The following LEMD3 variants were observed in gnomAD, a reference collection of about 807,000 sequenced individuals.
LEMD3 encodes LEM domain containing 3, also known as inner nuclear membrane protein Man1.
Under a neutral mutation model 95.2 loss-of-function variants are expected in LEMD3, and 33 were observed. The ratio of observed to expected loss-of-function variants is 0.35; its 90% CI spans 0.26 to 0.46. LEMD3 has a LOEUF of 0.46. LEMD3 is among the 20% of genes least tolerant of loss of function. The pLI is 1.00. For missense variants in LEMD3, 1,210 were observed against 1,192.8 expected, an observed-to-expected ratio of 1.01 and a Z score of -0.21; for synonymous variants, 525 against 474.6, an observed-to-expected ratio of 1.11 and a Z score of -1.38.
In LEMD3 at chr12:65,240,011, TATG is replaced by T; in HGVS notation, c.2005_2007del (p.Met669del). Reference sequence around the variant, plus strand: ...AGGAGGAAACAAGGCAGATGTATGATATGGTGGTAAAGATTATAGGTATGATAT... The same window carrying T: ...AGGAGGAAACAAGGCAGATGTATGATGTGGTAAAGATTATAGGTATGATAT... On this transcript the variant is annotated inframe_deletion, in exon 7 of 13. Transcript: ENST00000308330. 1 of 1,607,752 alleles carries T rather than the reference TATG, an allele frequency of 6.2e-7. No homozygotes were observed. The highest frequency in any genetic ancestry group is 8.5e-7 in the Non-Finnish European group (1 of 1,174,378).
intron 4 of LEMD3, among the ~76,000 whole-genome samples, chr12:65,231,006 ATTT>A (rs546303840): frequency 0.015 from 2,347 of 152,018 alleles, 28 homozygotes; most frequent in Middle Eastern, 0.041. Flanking sequence ...CCTTTAGAAG[ATTT>A]TTTTATCTTG....
chr12:65,181,398 C>G (rs541932959), intron 1 of LEMD3, among the ~76,000 whole-genome samples: 1 of 152,182 alleles, frequency 6.6e-6, no homozygotes, highest in South Asian at 2.1e-4. Flanking sequence ...TATATCATAC[C>G]TTTTAGAACT....
In LEMD3 at chr12:65,170,639, A is replaced by C; in HGVS notation, c.1043A>C (p.Gln348Pro). The change falls in exon 1 of 13, where the codon CAA (glutamine) becomes CCA (proline). Residue 348 changes from glutamine (Q) to proline (P), a missense_variant. Physicochemically the swap from Gln to Pro is moderately conservative, Grantham distance 76 (BLOSUM62 -1). Around this residue, in one of 2 missense-constraint regions of LEMD3, gnomAD observed 749 missense variants for 622.9 expected, o/e 1.20. Coordinates refer to ENST00000308330, the MANE Select transcript of LEMD3 (RefSeq NM_014319.5). Reference protein sequence around the residue: ...AAAEQGGGCDQVDSSPVPRYR... With the variant: ...AAAEQGGGCDPVDSSPVPRYR... ...GCGGAGCAGGGAGGAGGGTGTGATC[A>C]AGTGGACTCCAGCCCCGTTCCTAGA... is the stretch of plus-strand genomic sequence containing the variant. 4 of 1,614,150 alleles carry C rather than the reference A, an allele frequency of 2.5e-6. No homozygotes were observed. The highest frequency in any genetic ancestry group is 3.4e-6 in the Non-Finnish European group (4 of 1,180,012).
chr12:65,181,009 C>A (rs957924650), intron 1 of LEMD3, among the ~76,000 whole-genome samples: 3 of 152,082 alleles, frequency 2.0e-5, no homozygotes, highest in Admixed American at 6.5e-5. Flanking sequence ...CACACACACA[C>A]AATTTTCTGA....
At chr12:65,194,785 TGG>T (rs1869359071) in intron 1 of LEMD3, among the ~76,000 whole-genome samples, 1 of 14,666 alleles carries the variant, frequency 6.8e-5, no homozygotes, top group African/African-American at 6.9e-4. Flanking sequence ...TTTTGGGGAA[TGG>T]TTAGTATTTA....
Position 65,169,910 on chromosome 12 carries a change from G to A in LEMD3, c.314G>A (p.Gly105Glu). 1 of 1,452,852 alleles carries A rather than the reference G, an allele frequency of 6.9e-7. No homozygotes were observed. The highest frequency in any genetic ancestry group is 9.0e-7 in the Non-Finnish European group (1 of 1,105,608). The allele number at this position is 1,452,852 out of a possible 1,614,324, so 90.0% of individuals were successfully genotyped here. A position where few individuals can be genotyped will look rare whatever the true frequency, so the allele number is the denominator to read the frequency against. ...GACCTCTCCTACTTACGGACTCCTG[G>A]GGGCCTGTGCCGAATCTCGGCCTCT... ...SGDLSYLRTP[G>E]GLCRISASGP... The change falls in exon 1 of 13, where the codon GGG becomes GAG. Residue 105 changes from glycine to glutamate, a missense_variant. Transcript: ENST00000308330.
In LEMD3 at chr12:65,241,019, G is replaced by A. The variant is rs1429798139; in HGVS notation, c.2237G>A (p.Arg746Gln). Residue 746 changes from arginine to glutamine, a missense_variant, in exon 9 of 13, where the codon CGG (arginine) becomes CAG (glutamine). Around this residue, in one of 2 missense-constraint regions of LEMD3, gnomAD observed 461 missense variants for 569.8 expected, o/e 0.81. Transcript: ENST00000308330. ...RIGGADFLVW[R>Q]WIQPSASCDK... ...GGTGGTGCAGATTTTCTGGTTTGGC[G>A]GTGGATCCAGCCTTCTGCATCCTGT... The A allele has an allele frequency of 2.5e-6, 4 of 1,613,860 alleles. No homozygotes were observed. The highest frequency in any genetic ancestry group is 2.2e-5 in the East Asian group (1 of 44,874).
intron 1 of LEMD3, among the ~76,000 whole-genome samples, chr12:65,174,382 A>G (rs892283289): frequency 2.0e-5 from 3 of 152,350 alleles, no homozygotes; most frequent in Non-Finnish European, 2.9e-5. Flanking sequence ...CGCTTGTTCC[A>G]CAGGTGATTA....
At chr12:65,238,114 G>A (rs930525057) in intron 4 of LEMD3, among the ~76,000 whole-genome samples, 10 of 151,832 alleles carry the variant, frequency 6.6e-5, no homozygotes, top group South Asian at 4.1e-4. Flanking sequence ...CTAAAAGTAC[G>A]AAAAAAGAAA....
intron 2 of LEMD3, among the ~76,000 whole-genome samples, chr12:65,211,165 G>A (rs1869926996): frequency 6.6e-6 from 1 of 152,140 alleles, no homozygotes; most frequent in African/African-American, 2.4e-5. Context: ...TTCCCTAACT[G>A]TCGTATAATT....
At chr12:65,205,954 TAATAAAGCCATGAAACAA>T (rs1268329315) in intron 1 of LEMD3, among the ~76,000 whole-genome samples, 1 of 152,180 alleles carries the variant, frequency 6.6e-6, no homozygotes, top group Non-Finnish European at 1.5e-5. Flanking sequence ...ACCATCTATT[TAATAAAGCCATGAAACAA>T]TTAGAGAACT....
At chr12:65,191,963 T>C (rs1869257394) in intron 1 of LEMD3, among the ~76,000 whole-genome samples, 1 of 140,128 alleles carries the variant, frequency 7.1e-6, no homozygotes. Flanking sequence ...AATAATGGAA[T>C]AGAATTTTGG....
intron 4 of LEMD3, among the ~76,000 whole-genome samples, chr12:65,237,634 G>A (rs1338077287): frequency 1.3e-5 from 2 of 152,200 alleles, no homozygotes; most frequent in Non-Finnish European, 1.5e-5. Context: ...AGATGCATTG[G>A]TCACATTTCA....
At chr12:65,185,174 A>C (rs1565781319) in intron 1 of LEMD3, among the ~76,000 whole-genome samples, 1 of 152,140 alleles carries the variant, frequency 6.6e-6, no homozygotes, top group Admixed American at 6.6e-5. Context: ...GAATGAATTC[A>C]TAATATAATG....
chr12:65,218,797 T>A (rs866298190), intron 4 of LEMD3, among the ~76,000 whole-genome samples, 178 bp downstream of exon 4: 4 of 150,602 alleles, frequency 2.7e-5, no homozygotes, highest in Middle Eastern at 3.4e-3. Context: ...TTTTTTTTTT[T>A]TTTTTTTGTG....
intron 1 of LEMD3, among the ~76,000 whole-genome samples, chr12:65,196,051 C>CA (rs888574544): frequency 2.6e-5 from 4 of 151,830 alleles, no homozygotes; most frequent in African/African-American, 9.7e-5. Context: ...AGATTTTGAC[C>CA]AAGGCATAAA....
chr12:65,244,713 C>T (rs1373078764), intron 10 of LEMD3, among the ~76,000 whole-genome samples: 3 of 152,138 alleles, frequency 2.0e-5, no homozygotes, highest in African/African-American at 4.8e-5. Context: ...TTTGGGAAGC[C>T]GAGGTGGGTG....
chr12:65,204,650 A>G (rs1482952683), intron 1 of LEMD3, among the ~76,000 whole-genome samples: 1 of 152,096 alleles, frequency 6.6e-6, no homozygotes, highest in African/African-American at 2.4e-5. Context: ...ATGTGTGCAT[A>G]TATCTTTATA....
At chr12:65,201,371 A>G (rs893805997) in intron 1 of LEMD3, among the ~76,000 whole-genome samples, 54 of 152,194 alleles carry the variant, frequency 3.5e-4, no homozygotes, top group African/African-American at 1.2e-3. Flanking sequence ...CATTGAATCT[A>G]TAGATCAAGT....
Sources: gnomAD v4.1 joint callset for allele counts (sites outside exome capture counted in the v4.1 genomes callset) on GRCh38, gnomAD v4.1.1 for gene constraint, gnomAD v4.1.1 regional missense constraint, MANE v1.5 for transcripts, NCBI Gene and HGNC (gene_info 2026-07-23, HGNC 2026-07-21) for gene names.